The following ADTRP variants were observed in gnomAD, a reference collection of about 807,000 sequenced individuals.
The protein encoded by ADTRP is androgen dependent TFPI regulating protein.
ADTRP carries 20 observed loss-of-function variants against 27.0 expected under a neutral mutation model. The ratio of observed to expected loss-of-function variants is 0.74; its 90% CI spans 0.52 to 1.08. ADTRP has a LOEUF of 1.08. ADTRP is among the 50% of genes least tolerant of loss of function. The pLI, the probability that ADTRP is intolerant of heterozygous loss-of-function variation, is 0.00. For missense variants in ADTRP, 251 were observed against 275.0 expected (o/e 0.91, Z 0.62); for synonymous variants, 101 against 105.2 (o/e 0.96, Z 0.25).
At chr6:11,774,023 T>C (rs567582756) in intron 1 of ADTRP, among the ~76,000 whole-genome samples, 6 of 152,310 alleles carry the variant, frequency 3.9e-5, no homozygotes, top group African/African-American at 1.4e-4. Context: ...AAGAGTGCCA[T>C]AGGGGTTGGG....
chr6:11,745,208 G>C (rs1224221673), intron 3 of ADTRP, among the ~76,000 whole-genome samples: 1 of 152,076 alleles, frequency 6.6e-6, no homozygotes, highest in East Asian at 1.9e-4. Context: ...GTGGGTGTGT[G>C]TGTATGTGTG....
At chr6:11,773,080 C>T (rs1763837693) in intron 1 of ADTRP, among the ~76,000 whole-genome samples, 1 of 152,174 alleles carries the variant, frequency 6.6e-6, no homozygotes, top group South Asian at 2.1e-4. Context: ...ATGTTCTGGT[C>T]ATTCACTCAT....
At chr6:11,731,660 C>A (rs1479479094) in intron 4 of ADTRP, among the ~76,000 whole-genome samples, 1 of 152,092 alleles carries the variant, frequency 6.6e-6, no homozygotes, top group African/African-American at 2.4e-5. Flanking sequence ...TCCAATCCTG[C>A]CGGTCCTTCA....
intron 3 of ADTRP, among the ~76,000 whole-genome samples, chr6:11,758,836 G>A (rs1763311411): frequency 6.6e-6 from 1 of 152,074 alleles, no homozygotes; most frequent in South Asian, 2.1e-4. Flanking sequence ...GTGGGGCATT[G>A]ATTCTGGCTG....
In ADTRP at chr6:11,725,899, C is replaced by CAAAAAAAAAAAAAAA. The variant is rs59048593; in HGVS notation, c.507-2414_507-2400dup. On this transcript the variant is annotated intron_variant, in intron 4 of 5. Transcript: ENST00000414691. Reference sequence around the variant, plus strand: ...TGGGCGAGAGAATGAGACTCTATCTCAAAAAAAAAAAAAAAAGGAATTGAA... The same window carrying CAAAAAAAAAAAAAAA: ...TGGGCGAGAGAATGAGACTCTATCTCAAAAAAAAAAAAAAAAAAAAAAAAAAAAAAAGGAATTGAA... Among the ~76,000 whole-genome samples the CAAAAAAAAAAAAAAA allele has an allele frequency of 4.1e-4, 37 of 89,904 alleles. 1 individual carries two copies. The highest frequency in any genetic ancestry group is 1.4e-3 in the African/African-American group (34 of 23,650). 59.0% of individuals were successfully genotyped at this position (89,904 alleles called of 152,430 possible).
intron 4 of ADTRP, among the ~76,000 whole-genome samples, chr6:11,725,426 T>C (rs145097539): frequency 1.9e-3 from 294 of 152,332 alleles, no homozygotes; most frequent in African/African-American, 6.7e-3. Flanking sequence ...TGAAAGGATG[T>C]TCAACATCAC....
intron 1 of ADTRP, among the ~76,000 whole-genome samples, chr6:11,770,897 G>A (rs964380853): frequency 9.2e-5 from 14 of 152,200 alleles, no homozygotes; most frequent in Non-Finnish European, 1.9e-4. Flanking sequence ...GGGCCCAGGG[G>A]AAGAGGCCTG....
chr6:11,759,946 A>G (rs201726269), intron 3 of ADTRP, among the ~76,000 whole-genome samples: 1 of 152,124 alleles, frequency 6.6e-6, no homozygotes, highest in East Asian at 1.9e-4. Context: ...GAGCCAAGGA[A>G]GGTAAGTGGT....
chr6:11,763,366 G>T (rs774852575), intron 3 of ADTRP, among the ~76,000 whole-genome samples: 8 of 152,182 alleles, frequency 5.3e-5, no homozygotes, highest in Non-Finnish European at 1.0e-4. Context: ...AATGGCAATG[G>T]GGAAAATATT....
In ADTRP at chr6:11,727,761, A is replaced by C. The variant is rs555290121; in HGVS notation, c.507-4261T>G. 3.9e-5 allele frequency among the ~76,000 whole-genome samples: 6 copies of C among 152,302 alleles called. No homozygotes were observed. The East Asian group carries it at 9.6e-4, about 24-fold the overall frequency. The stretch of plus-strand genomic sequence containing the variant: ...GGTACCTGACAGTAGGAAAATTAAC[A>C]GAGATACAGAGTATGAGGCAAGATG... On this transcript the variant is annotated intron_variant, in intron 4 of 5. Transcript: ENST00000414691.
Position 11,769,017 on chromosome 6 carries a change from A to T in ADTRP, c.154-634T>A, listed in dbSNP as rs563712429. Reference sequence around the variant, plus strand: ...ATCCAAGGGGATAGAGCAAGCCATGAGCGCTGGTGGGTTACTAAGTGCTGT... The same window carrying T: ...ATCCAAGGGGATAGAGCAAGCCATGTGCGCTGGTGGGTTACTAAGTGCTGT... On this transcript the variant is annotated intron_variant, in intron 1 of 5. Coordinates refer to ENST00000414691, the MANE Select transcript of ADTRP (RefSeq NM_032744.4). Among the ~76,000 whole-genome samples the T allele has an allele frequency of 1.4e-4, 21 of 152,168 alleles. No individual in the cohort carries two copies. In the East Asian group the frequency reaches 3.9e-3, roughly 28 times the overall value.
intron 3 of ADTRP, among the ~76,000 whole-genome samples, chr6:11,758,770 A>G (rs1763308492): frequency 6.6e-6 from 1 of 152,150 alleles, no homozygotes; most frequent in Non-Finnish European, 1.5e-5. Context: ...TGGCTTTTTA[A>G]TACCCTACAT....
At chr6:11,762,191 T>C (rs545618601) in intron 3 of ADTRP, among the ~76,000 whole-genome samples, 2 of 152,238 alleles carry the variant, frequency 1.3e-5, no homozygotes, top group African/African-American at 4.8e-5. Flanking sequence ...TCAAAGGCCA[T>C]CCAGGCCAAC....
At chr6:11,727,563 T>G (rs1762249428) in intron 4 of ADTRP, among the ~76,000 whole-genome samples, 1 of 152,196 alleles carries the variant, frequency 6.6e-6, no homozygotes, top group Non-Finnish European at 1.5e-5. Flanking sequence ...TGAATTCCCA[T>G]GCACATTTAT....
At chr6:11,723,593 G>A (rs570977522) in intron 4 of ADTRP, 93 bp from the exon 5 acceptor site, 8 of 1,460,082 alleles carry the variant, frequency 5.5e-6, no homozygotes, top group South Asian at 5.1e-5. Flanking sequence ...TACCCAGGCA[G>A]GGGAAGAGAA....
At chr6:11,748,165 A>C (rs1009962822) in intron 3 of ADTRP, among the ~76,000 whole-genome samples, 18 of 152,316 alleles carry the variant, frequency 1.2e-4, no homozygotes, top group African/African-American at 3.9e-4. Context: ...CAGATATAAC[A>C]ACCAAAAGCC....
At chr6:11,761,675 C>G (rs1196436040) in intron 3 of ADTRP, among the ~76,000 whole-genome samples, 1 of 152,174 alleles carries the variant, frequency 6.6e-6, no homozygotes, top group African/African-American at 2.4e-5. Context: ...TGGAAATCAT[C>G]TGGGGACCTT....
At position 11,731,573 on chromosome 6, in the gene ADTRP, C is replaced by T. The variant is rs532465785; in HGVS notation, c.506+3995G>A. On this transcript the variant is annotated intron_variant, in intron 4 of 5. Transcript: ENST00000414691. ...GGTCCAGCAAAGAGAATTACTGACC[C>T]TTGCTCTCACGCTTTCTGCACTCTC... 2.6e-5 allele frequency among the ~76,000 whole-genome samples: 4 copies of T among 152,320 alleles called. 1 individual carries two copies. In the South Asian group the frequency reaches 8.3e-4, roughly 32 times the overall value.
At chr6:11,744,338 C>G (rs771064545) in intron 3 of ADTRP, among the ~76,000 whole-genome samples, 2 of 152,238 alleles carry the variant, frequency 1.3e-5, no homozygotes, top group African/African-American at 2.4e-5. Flanking sequence ...ATTATCCAGT[C>G]TCAAGTATTT....
Sources: gnomAD v4.1 joint callset for allele counts (sites outside exome capture counted in the v4.1 genomes callset) on GRCh38, gnomAD v4.1.1 for gene constraint, MANE v1.5 for transcripts, NCBI Gene and HGNC (gene_info 2026-07-23, HGNC 2026-07-21) for gene names.